ADAMTS3: variants seen among roughly 807,000 people sequenced by gnomAD.
ADAMTS3 encodes the protein ADAM metallopeptidase with thrombospondin type 1 motif 3, also known as A disintegrin and metalloproteinase with thrombospondin motifs 3.
ADAMTS3 carries 73 observed loss-of-function variants against 129.0 expected under a neutral mutation model. That is an observed-to-expected ratio of 0.57 (90% CI 0.47 to 0.69). ADAMTS3 has a LOEUF of 0.69. ADAMTS3 is among the 30% of genes least tolerant of loss of function. The pLI, the probability that ADAMTS3 is intolerant of heterozygous loss-of-function variation, is 0.00. For missense variants in ADAMTS3, 1,457 were observed against 1,514.5 expected (o/e 0.96, Z 0.63); for synonymous variants, 477 against 510.8 (o/e 0.93, Z 0.89).
chr4:72,441,299 T>G (rs1718109556), intron 3 of ADAMTS3, among the ~76,000 whole-genome samples: 1 of 151,748 alleles, frequency 6.6e-6, no homozygotes, highest in Non-Finnish European at 1.5e-5. Flanking sequence ...ATATATTTTA[T>G]GTATTTTTCA....
intron 3 of ADAMTS3, among the ~76,000 whole-genome samples, chr4:72,543,201 T>A (rs1054249830): frequency 2.6e-5 from 4 of 152,154 alleles, no homozygotes; most frequent in African/African-American, 9.7e-5. Context: ...CTAAGAGGAA[T>A]AAGACATAAA....
At chr4:72,323,131 G>A in intron 5 of ADAMTS3, 34 bp from the exon 6 acceptor site, 1 of 1,529,566 alleles carries the variant, frequency 6.5e-7, no homozygotes, top group Admixed American at 1.7e-5. Flanking sequence ...CTAAAAGAAA[G>A]GAAACACCGA....
chr4:72,436,322 G>C (rs1717924900), intron 3 of ADAMTS3, among the ~76,000 whole-genome samples: 1 of 152,112 alleles, frequency 6.6e-6, no homozygotes, highest in Admixed American at 6.6e-5. Flanking sequence ...TCTCACGCCA[G>C]TTAGAATGGC....
intron 3 of ADAMTS3, among the ~76,000 whole-genome samples, chr4:72,518,607 CTT>C (rs1268413001): frequency 1.3e-5 from 2 of 152,076 alleles, no homozygotes; most frequent in Non-Finnish European, 2.9e-5. Context: ...TTCTTTGTCT[CTT>C]TTGATCTTTG....
chr4:72,315,874 T>G lies in ADAMTS3; in HGVS notation c.1583A>C (p.Glu528Ala). 1.2e-6 allele frequency: 2 copies of G among 1,605,746 alleles called. No individual in the cohort carries two copies. Among genetic ancestry groups the G allele is most frequent in the Non-Finnish European group, 1.7e-6 (2 of 1,173,198 alleles). ...TKKGPPLDGT[E>A]CAAGKWCYKG... The stretch of plus-strand genomic sequence containing the variant: ...TATACTCACTTTTCCAGCAGCACAT[T>G]CAGTCCCATCAAGTGGAGGTCCCTT... Residue 528 changes from glutamate to alanine, a missense_variant, in exon 11 of 22, where the codon GAA becomes GCA. Transcript: ENST00000286657.
Position 72,369,621 on chromosome 4 carries a change from G to A in ADAMTS3, c.662-29928C>T, listed in dbSNP as rs577704188. Among the ~76,000 whole-genome samples the A allele has an allele frequency of 1.1e-4, 16 of 152,060 alleles. No homozygotes were observed. In the South Asian group the frequency reaches 3.3e-3, roughly 32 times the overall value. Reference sequence around the variant, plus strand: ...AGCTACTGGGGAGGCTGAGGCACGAGAATTGTTCGATCCTGGTAGGCGGAG... The same window carrying A: ...AGCTACTGGGGAGGCTGAGGCACGAAAATTGTTCGATCCTGGTAGGCGGAG... On this transcript the variant is annotated intron_variant, in intron 4 of 21. Coordinates refer to ENST00000286657, the MANE Select transcript of ADAMTS3 (RefSeq NM_014243.3).
rs1380266757 is a variant in ADAMTS3, at chr4:72,323,000, T to A, written c.945+14A>T. ...GTCCCTAATGTTTATAATTCATGTTTTAAGACATTTTACCTTTGCATATCC... is the reference window on the plus strand; with the variant it reads ...GTCCCTAATGTTTATAATTCATGTTATAAGACATTTTACCTTTGCATATCC... On this transcript the variant is annotated intron_variant, in intron 6 of 21. Coordinates refer to ENST00000286657, the MANE Select transcript of ADAMTS3 (RefSeq NM_014243.3). 1.2e-6 allele frequency: 2 copies of A among 1,603,586 alleles called. No homozygotes were observed. Among genetic ancestry groups the A allele is most frequent in the Non-Finnish European group, 1.7e-6 (2 of 1,171,006 alleles).
intron 21 of ADAMTS3, among the ~76,000 whole-genome samples, chr4:72,287,511 AAG>A (rs1227779584): frequency 8.6e-5 from 13 of 151,124 alleles, no homozygotes; most frequent in South Asian, 2.1e-4. Context: ...AAAGAGGGGA[AAG>A]AGAGAGCCAG....
intron 4 of ADAMTS3, among the ~76,000 whole-genome samples, chr4:72,402,771 T>C (rs1446933386): frequency 5.3e-5 from 8 of 152,102 alleles, no homozygotes; most frequent in Non-Finnish European, 5.9e-5. Context: ...TTGGCAAAGT[T>C]TACTCTAAGA....
chr4:72,535,144 C>A (rs1347836245), intron 3 of ADAMTS3, among the ~76,000 whole-genome samples: 29 of 151,956 alleles, frequency 1.9e-4, no homozygotes, highest in Admixed American at 1.9e-3. Flanking sequence ...GCCAGGTATG[C>A]AAAATAAAGG....
chr4:72,468,095 A>G (rs1718968823), intron 3 of ADAMTS3, among the ~76,000 whole-genome samples: 1 of 151,850 alleles, frequency 6.6e-6, no homozygotes, highest in Non-Finnish European at 1.5e-5. Flanking sequence ...TTTCAGTCTG[A>G]AAAAAAAATT....
chr4:72,517,427 G>A (rs1481744723), intron 3 of ADAMTS3, among the ~76,000 whole-genome samples: 3 of 152,262 alleles, frequency 2.0e-5, no homozygotes, highest in South Asian at 2.1e-4. Context: ...GTTCCTCCTT[G>A]TACCTCTGGT....
chr4:72,373,144 G>A (rs1275078150), intron 4 of ADAMTS3, among the ~76,000 whole-genome samples: 1 of 152,094 alleles, frequency 6.6e-6, no homozygotes, highest in Non-Finnish European at 1.5e-5. Context: ...ACAGCTATGG[G>A]AATCTTTAAA....
At chr4:72,514,747 C>T (rs1046619276) in intron 3 of ADAMTS3, among the ~76,000 whole-genome samples, 1 of 151,950 alleles carries the variant, frequency 6.6e-6, no homozygotes, top group Admixed American at 6.6e-5. Context: ...AAGGGTAAAA[C>T]TAAAATAAAA....
intron 4 of ADAMTS3, among the ~76,000 whole-genome samples, chr4:72,390,003 GA>G (rs1156261568): frequency 1.3e-5 from 2 of 152,182 alleles, no homozygotes; most frequent in African/African-American, 2.4e-5. Flanking sequence ...GAGTGGAGAA[GA>G]GGGCAGGAAA....
At chr4:72,557,513 C>T (rs1472700150) in intron 2 of ADAMTS3, among the ~76,000 whole-genome samples, 1 of 151,736 alleles carries the variant, frequency 6.6e-6, no homozygotes, top group Admixed American at 6.6e-5. Flanking sequence ...ATTTTAATTG[C>T]AAATCTATTT....
chr4:72,480,535 G>T (rs897187461), intron 3 of ADAMTS3, among the ~76,000 whole-genome samples: 1 of 151,784 alleles, frequency 6.6e-6, no homozygotes, highest in African/African-American at 2.4e-5. Context: ...TAACACTCTG[G>T]GGACTGTTGT....
chr4:72,314,228 C>G (rs1719324827), intron 11 of ADAMTS3, among the ~76,000 whole-genome samples: 1 of 152,116 alleles, frequency 6.6e-6, no homozygotes, highest in South Asian at 2.1e-4. Context: ...ATAAAATAAA[C>G]TATGTCTTGG....
intron 15 of ADAMTS3, among the ~76,000 whole-genome samples, chr4:72,307,246 A>G (rs1365683332): frequency 6.6e-6 from 1 of 152,004 alleles, no homozygotes; most frequent in Non-Finnish European, 1.5e-5. Context: ...TCCTTTTGGG[A>G]TCAGGGTGTT....
Sources: allele counts gnomAD v4.1 joint callset (sites outside exome capture counted in the v4.1 genomes callset), GRCh38; gene constraint gnomAD v4.1.1; transcripts MANE v1.5; gene names NCBI Gene and HGNC (gene_info 2026-07-23, HGNC 2026-07-21).